Variants in CNBD1 observed in about 807,000 individuals in gnomAD.
CNBD1 encodes cyclic nucleotide binding domain containing 1.
A neutral mutation model predicts 54.4 loss-of-function variants in CNBD1; 71 were observed. The ratio of observed to expected loss-of-function variants is 1.30; its 90% confidence interval spans 1.08 to 1.59. The LOEUF is 1.59. Ranked by LOEUF, CNBD1 falls within the 40% of genes most tolerant of loss-of-function variation. The probability of loss-of-function intolerance (pLI) is 0.00; values close to 1 mark genes in which losing one functional copy is unlikely to be tolerated. For missense variants in CNBD1, 659 were observed against 518.0 expected (o/e 1.27, Z -2.64); for synonymous variants, 182 against 170.7 (o/e 1.07, Z -0.51).
At chr8:86,967,340 T>A (rs529713740) in intron 4 of CNBD1, among the ~76,000 whole-genome samples, 8 of 152,256 alleles carry the variant, frequency 5.3e-5, no homozygotes, top group Admixed American at 1.3e-4. Context: ...GCAGTTTGGA[T>A]GGCTATAGTC....
At chr8:87,341,911 T>A (rs866387066) in intron 8 of CNBD1, among the ~76,000 whole-genome samples, 1 of 152,128 alleles carries the variant, frequency 6.6e-6, no homozygotes, top group South Asian at 2.1e-4. Flanking sequence ...AGACTAAGAA[T>A]CTATGTGGTG....
intron 10 of CNBD1, among the ~76,000 whole-genome samples, chr8:87,373,306 C>G (rs1052547213): frequency 6.6e-6 from 1 of 151,736 alleles, no homozygotes; most frequent in Non-Finnish European, 1.5e-5. Context: ...AATGGTGAAG[C>G]CACCAATCAC....
chr8:86,955,433 G>C (rs1807739342), intron 4 of CNBD1, among the ~76,000 whole-genome samples: 1 of 152,150 alleles, frequency 6.6e-6, no homozygotes, highest in African/African-American at 2.4e-5. Flanking sequence ...GGTTGAACTA[G>C]TTTACAGTCC....
chr8:87,331,527 G>T (rs1809832206), intron 8 of CNBD1, among the ~76,000 whole-genome samples: 1 of 152,132 alleles, frequency 6.6e-6, no homozygotes, highest in African/African-American at 2.4e-5. Flanking sequence ...AAACATATGT[G>T]TGCATGTATC....
intron 8 of CNBD1, among the ~76,000 whole-genome samples, chr8:87,312,878 T>G (rs1364928000): frequency 6.6e-6 from 1 of 152,024 alleles, no homozygotes; most frequent in Non-Finnish European, 1.5e-5. Context: ...TCACAGGAGT[T>G]TTTAGGAAGA....
chr8:86,964,343 G>T (rs1182959663), intron 4 of CNBD1, among the ~76,000 whole-genome samples: 2 of 152,110 alleles, frequency 1.3e-5, no homozygotes, highest in African/African-American at 4.8e-5. Context: ...GTTCTCCAAT[G>T]GTACTGCTAT....
At chr8:86,999,411 A>G (rs1420123306) in intron 4 of CNBD1, among the ~76,000 whole-genome samples, 1 of 152,114 alleles carries the variant, frequency 6.6e-6, no homozygotes. Context: ...AATGTGAGCA[A>G]TGCATCTACT....
chr8:87,236,612 A>C (rs2130825507), intron 5 of CNBD1, among the ~76,000 whole-genome samples: 1 of 152,196 alleles, frequency 6.6e-6, no homozygotes. Flanking sequence ...TTTTTCTCAC[A>C]ATGTCTCAAA....
At chr8:87,034,881 C>G (rs557253390) in intron 4 of CNBD1, among the ~76,000 whole-genome samples, 1 of 151,978 alleles carries the variant, frequency 6.6e-6, no homozygotes, top group Non-Finnish European at 1.5e-5. Context: ...GATTTGGATG[C>G]GACCTTGTAA....
chr8:86,901,674 A>T (rs1233100040), intron 2 of CNBD1, among the ~76,000 whole-genome samples: 3 of 152,140 alleles, frequency 2.0e-5, no homozygotes, highest in Non-Finnish European at 4.4e-5. Context: ...TCTACCAAAC[A>T]TTTGCTCTTC....
chr8:86,983,152 G>T lies in CNBD1; in HGVS notation c.431+43398G>T, dbSNP rs374842623. On this transcript the variant is annotated intron_variant, in intron 4 of 10. Coordinates refer to ENST00000518476, the MANE Select transcript of CNBD1 (RefSeq NM_173538.3). The stretch of plus-strand genomic sequence containing the variant: ...CCCCATGGGGAGGTAATTGTATCAT[G>T]GGGGCAGGCTTTTCCTGTGCTGTTC... Among the ~76,000 whole-genome samples the T allele has an allele frequency of 2.0e-3, 298 of 152,192 alleles. 1 individual carries two copies. The highest frequency in any genetic ancestry group is 0.017 in the Middle Eastern group (5 of 294).
At chr8:86,937,559 A>T (rs1405017216) in intron 3 of CNBD1, among the ~76,000 whole-genome samples, 1 of 152,136 alleles carries the variant, frequency 6.6e-6, no homozygotes, top group Non-Finnish European at 1.5e-5. Flanking sequence ...GAGGTTCCCA[A>T]ACCTCAATTT....
intron 8 of CNBD1, among the ~76,000 whole-genome samples, chr8:87,324,641 G>C (rs1427745902): frequency 1.3e-5 from 2 of 151,590 alleles, no homozygotes; most frequent in Admixed American, 1.3e-4. Flanking sequence ...TGTGGGATCA[G>C]TGGTGATATC....
chr8:86,936,616 G>T (rs551534020), intron 3 of CNBD1, among the ~76,000 whole-genome samples: 3 of 151,740 alleles, frequency 2.0e-5, no homozygotes, highest in African/African-American at 7.3e-5. Context: ...GGTGGTAGGC[G>T]CCTGTAGTCC....
intron 8 of CNBD1, among the ~76,000 whole-genome samples, chr8:87,346,680 A>G (rs1450166612): frequency 1.3e-5 from 2 of 152,236 alleles, no homozygotes; most frequent in African/African-American, 2.4e-5. Context: ...ATACTAATAT[A>G]TTTGCTAATA....
chr8:87,378,250 A>T (rs1319683705), intron 10 of CNBD1, among the ~76,000 whole-genome samples: 11 of 142,428 alleles, frequency 7.7e-5, no homozygotes, highest in South Asian at 6.7e-4. Flanking sequence ...CTGAATGGTA[A>T]TGCCTAGGTT....
At chr8:87,314,736 T>C (rs1809344000) in intron 8 of CNBD1, among the ~76,000 whole-genome samples, 1 of 152,028 alleles carries the variant, frequency 6.6e-6, no homozygotes, top group Non-Finnish European at 1.5e-5. Context: ...TATTTTATAA[T>C]AGCTCTTTGT....
chr8:87,147,694 G>A (rs1812518627), intron 4 of CNBD1, among the ~76,000 whole-genome samples: 1 of 151,988 alleles, frequency 6.6e-6, no homozygotes, highest in South Asian at 2.1e-4. Context: ...AATATGACAT[G>A]ATTTAGCCTA....
intron 6 of CNBD1, among the ~76,000 whole-genome samples, chr8:87,271,374 G>T (rs10105074): frequency 4.0e-5 from 6 of 151,484 alleles, no homozygotes; most frequent in African/African-American, 1.2e-4. Flanking sequence ...TTTTGAAACA[G>T]GTATTTACTT....
Sources: allele counts gnomAD v4.1 joint callset (sites outside exome capture counted in the v4.1 genomes callset), GRCh38; gene constraint gnomAD v4.1.1; transcripts MANE v1.5; gene names NCBI Gene and HGNC (gene_info 2026-07-23, HGNC 2026-07-21).